PTPRD: variants seen among roughly 807,000 people sequenced by gnomAD.
PTPRD encodes the protein protein tyrosine phosphatase receptor type D, also known as receptor-type tyrosine-protein phosphatase delta.
In PTPRD, 34 loss-of-function variants were observed where a neutral mutation model predicts 214.5. That is an observed-to-expected ratio of 0.16 (90% CI 0.12 to 0.21). The LOEUF is 0.21. PTPRD is among the 10% of genes least tolerant of loss of function. The probability of loss-of-function intolerance (pLI) is 1.00; values close to 1 mark genes in which losing one functional copy is unlikely to be tolerated. For missense variants in PTPRD, 2,545 were observed against 2,398.7 expected (o/e 1.06, Z -1.27); for synonymous variants, 1,128 against 845.7 (o/e 1.33, Z -5.79).
chr9:8,420,852 G>T (rs1332691327), intron 35 of PTPRD, among the ~76,000 whole-genome samples: 5 of 150,270 alleles, frequency 3.3e-5, no homozygotes, highest in African/African-American at 4.9e-5. Context: ...TGAGAGCGTA[G>T]GAAAAGTGAG....
chr9:8,316,460 G>C lies in PTPRD; in HGVS notation c.*1414C>G, dbSNP rs1268251184. On this transcript the variant is annotated 3_prime_UTR_variant, in exon 46 of 46. Coordinates refer to ENST00000381196, the MANE Select transcript of PTPRD (RefSeq NM_002839.4). Reference sequence around the variant, plus strand: ...GTAACATGAATTTGGCTTTGCCCCTGTTACATATCATAAATGCAAATTTCA... The same window carrying C: ...GTAACATGAATTTGGCTTTGCCCCTCTTACATATCATAAATGCAAATTTCA... 4.3e-6 allele frequency: 1 copy of C among 230,356 alleles called. No homozygotes were observed. The highest frequency in any genetic ancestry group is 8.6e-6 in the Non-Finnish European group (1 of 116,124). 14.3% of individuals were successfully genotyped at this position (230,356 alleles called of 1,614,324 possible). A position where few individuals can be genotyped will look rare whatever the true frequency, so the allele number is the denominator to read the frequency against.
chr9:10,476,957 C>T (rs1217794186), intron 2 of PTPRD, among the ~76,000 whole-genome samples: 1 of 152,054 alleles, frequency 6.6e-6, no homozygotes, highest in Non-Finnish European at 1.5e-5. Context: ...AAATTGGACC[C>T]CTTACTTAGA....
intron 35 of PTPRD, among the ~76,000 whole-genome samples, chr9:8,425,342 T>C (rs1312615358): frequency 6.6e-6 from 1 of 152,138 alleles, no homozygotes; most frequent in Non-Finnish European, 1.5e-5. Flanking sequence ...TTCCATGACT[T>C]TTCTGAACAT....
intron 4 of PTPRD, among the ~76,000 whole-genome samples, chr9:10,032,420 A>G (rs932617115): frequency 6.6e-6 from 1 of 152,174 alleles, no homozygotes; most frequent in Non-Finnish European, 1.5e-5. Flanking sequence ...GACACAAGTT[A>G]TTCTTCCCTA....
rs1368919809 is a variant in PTPRD at position 10,268,321 on chromosome 9, G to GATA, written c.-545+72639_-545+72641dup. Among the ~76,000 whole-genome samples the GATA allele has an allele frequency of 4.1e-5, 5 of 122,976 alleles. No individual in the cohort carries two copies. In the East Asian group the frequency reaches 7.3e-4, roughly 18 times the overall value. 80.7% of individuals were successfully genotyped at this position (122,976 alleles called of 152,430 possible). A position where few individuals can be genotyped will look rare whatever the true frequency, so the allele number is the denominator to read the frequency against. On this transcript the variant is annotated intron_variant, in intron 3 of 45. Coordinates refer to ENST00000381196, the MANE Select transcript of PTPRD (RefSeq NM_002839.4). ...TAATAATAATAATAATAATAATAACGATAATAATAATAATAGTGGTTATAA... is the reference window on the plus strand; with the variant it reads ...TAATAATAATAATAATAATAATAACGATAATAATAATAATAATAGTGGTTATAA...
rs550458201 is a variant in PTPRD at position 8,744,347 on chromosome 9, C to T, written c.-103-10401G>A. ...CATTATCCGAAAAGATACTTGCACA[C>T]GCATGTATACAGCAGCACAATTTGC... On this transcript the variant is annotated intron_variant, in intron 11 of 45. Transcript: ENST00000381196. 1.3e-4 allele frequency among the ~76,000 whole-genome samples: 19 copies of T among 149,612 alleles called. No individual in the cohort carries two copies. The East Asian group carries it at 1.5e-3, about 12-fold the overall frequency.
chr9:10,556,062 C>A (rs1267928242), intron 2 of PTPRD, among the ~76,000 whole-genome samples: 3 of 152,080 alleles, frequency 2.0e-5, no homozygotes, highest in South Asian at 2.1e-4. Flanking sequence ...ACATAAATAC[C>A]TTTTGCAACT....
intron 2 of PTPRD, among the ~76,000 whole-genome samples, chr9:10,447,185 A>G (rs2098806163): frequency 6.6e-6 from 1 of 150,456 alleles, no homozygotes; most frequent in African/African-American, 2.5e-5. Context: ...GCAGCAAGGT[A>G]GCTAACAGGA....
intron 14 of PTPRD, among the ~76,000 whole-genome samples, chr9:8,620,949 G>A (rs549764476): frequency 1.4e-4 from 22 of 151,904 alleles, no homozygotes; most frequent in African/African-American, 4.6e-4. Flanking sequence ...TCCCAGCAGC[G>A]GACCTAGATA....
intron 8 of PTPRD, among the ~76,000 whole-genome samples, chr9:9,438,600 C>T (rs2086246362): frequency 6.6e-6 from 1 of 152,178 alleles, no homozygotes; most frequent in Non-Finnish European, 1.5e-5. Flanking sequence ...ATCTATCCCT[C>T]TAAGTCTCTG....
chr9:10,006,178 C>G (rs927023555), intron 4 of PTPRD, among the ~76,000 whole-genome samples: 1 of 151,848 alleles, frequency 6.6e-6, no homozygotes, highest in African/African-American at 2.4e-5. Context: ...AGAGTAAAAC[C>G]TGGAAAAATA....
chr9:9,350,879 A>G (rs1260553517), intron 9 of PTPRD, among the ~76,000 whole-genome samples: 1 of 152,104 alleles, frequency 6.6e-6, no homozygotes, highest in Admixed American at 6.6e-5. Flanking sequence ...TCAATATTTT[A>G]AGATCCTCTT....
chr9:10,497,431 A>T (rs528735995), intron 2 of PTPRD, among the ~76,000 whole-genome samples: 1 of 152,162 alleles, frequency 6.6e-6, no homozygotes, highest in Admixed American at 6.6e-5. Context: ...AGCCTTTAAT[A>T]CATTGTTTGG....
At chr9:9,952,020 A>G (rs1478030936) in intron 4 of PTPRD, among the ~76,000 whole-genome samples, 1 of 152,172 alleles carries the variant, frequency 6.6e-6, no homozygotes, top group African/African-American at 2.4e-5. Flanking sequence ...GAAATGAAAT[A>G]AAGATGCTGG....
intron 3 of PTPRD, among the ~76,000 whole-genome samples, chr9:10,112,498 C>G (rs1057327023): frequency 6.6e-6 from 1 of 151,724 alleles, no homozygotes; most frequent in Non-Finnish European, 1.5e-5. Flanking sequence ...ATGAAGGTCA[C>G]TGCTTTCTAT....
rs187011962 is a variant in PTPRD at position 8,425,925 on chromosome 9, T to C, written c.4086+10667A>G. On this transcript the variant is annotated intron_variant, in intron 35 of 45. Coordinates refer to ENST00000381196, the MANE Select transcript of PTPRD (RefSeq NM_002839.4). Reference sequence around the variant, plus strand: ...TTAATGTGGATATAATTTCCAGAAATGATATTATGTACAAAATATGAAAAG... The same window carrying C: ...TTAATGTGGATATAATTTCCAGAAACGATATTATGTACAAAATATGAAAAG... 5.3e-5 allele frequency among the ~76,000 whole-genome samples: 8 copies of C among 152,274 alleles called. No homozygotes were observed. In the East Asian group the frequency reaches 1.5e-3, roughly 29 times the overall value.
chr9:8,975,551 T>G (rs2099263595), intron 11 of PTPRD, among the ~76,000 whole-genome samples: 1 of 152,002 alleles, frequency 6.6e-6, no homozygotes, highest in African/African-American at 2.4e-5. Context: ...GAAATTAATG[T>G]TATATTAATG....
chr9:8,689,732 T>A (rs979035442), intron 12 of PTPRD, among the ~76,000 whole-genome samples: 3 of 152,172 alleles, frequency 2.0e-5, no homozygotes, highest in Admixed American at 2.0e-4. Flanking sequence ...GGATGTAATA[T>A]CCTATTTGGT....
At chr9:8,754,299 A>C (rs2154466879) in intron 11 of PTPRD, among the ~76,000 whole-genome samples, 1 of 152,354 alleles carries the variant, frequency 6.6e-6, no homozygotes, top group Non-Finnish European at 1.5e-5. Context: ...AAGAATAGCC[A>C]AGACAATCTT....
Sources: gnomAD v4.1 joint callset for allele counts (sites outside exome capture counted in the v4.1 genomes callset) on GRCh38, gnomAD v4.1.1 for gene constraint, MANE v1.5 for transcripts, NCBI Gene and HGNC (gene_info 2026-07-23, HGNC 2026-07-21) for gene names.